The following CEP83 variants were observed in gnomAD, a reference collection of about 807,000 sequenced individuals.
CEP83 encodes the protein centrosomal protein of 83 kDa.
CEP83 carries 70 observed loss-of-function variants against 101.9 expected under a neutral mutation model. The observed-to-expected ratio is 0.69, with a 90% CI of 0.57 to 0.84. The LOEUF (loss-of-function observed/expected upper bound fraction) is 0.84, where lower values mean the gene tolerates loss of function less well. Among genes scored for constraint, CEP83 ranks in the 40% least tolerant of loss-of-function variants. The probability of loss-of-function intolerance (pLI) is 0.00; values close to 1 mark genes in which losing one functional copy is unlikely to be tolerated. For synonymous variants in CEP83, 264 were observed against 267.9 expected (o/e 0.99, Z 0.14); for missense variants, 715 against 787.2 (o/e 0.91, Z 1.10).
chr12:94,301,248 AAAAC>A, the CEP83 span, among the ~76,000 whole-genome samples: 4 of 152,348 alleles, frequency 2.6e-5, no homozygotes, highest in African/African-American at 9.6e-5. Context: ...TTTAAAGTGA[AAAAC>A]AAAATAATTA....
intron 11 of CEP83, among the ~76,000 whole-genome samples, chr12:94,343,739 C>T (rs531565485): frequency 1.3e-5 from 2 of 151,100 alleles, no homozygotes; most frequent in South Asian, 2.1e-4. Context: ...ATGATCCACC[C>T]GCCTCGGCCT....
chr12:94,343,470 C>CTTTTTTTTTTT lies in CEP83; in HGVS notation c.1344-7817_1344-7807dup, dbSNP rs1161481202. On this transcript the variant is annotated intron_variant, in intron 11 of 16. Coordinates refer to ENST00000397809, the MANE Select transcript of CEP83 (RefSeq NM_016122.3). Reference sequence around the variant, plus strand: ...ACAATGCAATAAAGCTAGAAATTAACTTTTTTTTTTTTTTTTTTTTTTTTT... The same window carrying CTTTTTTTTTTT: ...ACAATGCAATAAAGCTAGAAATTAACTTTTTTTTTTTTTTTTTTTTTTTTTTTTTTTTTTTT... Among the ~76,000 whole-genome samples, 202 of 84,168 alleles carry CTTTTTTTTTTT rather than the reference C, an allele frequency of 2.4e-3. 12 individuals are homozygous for CTTTTTTTTTTT. Among genetic ancestry groups the CTTTTTTTTTTT allele is most frequent in the African/African-American group, 7.2e-3 (137 of 19,070 alleles). 55.2% of individuals were successfully genotyped at this position (84,168 alleles called of 152,430 possible). A position where few individuals can be genotyped will look rare whatever the true frequency, so the allele number is the denominator to read the frequency against.
intron 11 of CEP83, 65 bp from the exon 12 acceptor site, chr12:94,335,729 A>G: frequency 9.2e-7 from 1 of 1,081,400 alleles, no homozygotes; most frequent in East Asian, 2.6e-5. Context: ...TCACTGAATT[A>G]AAGAGTCATT....
At chr12:94,432,541 G>T (rs1276164447) in intron 2 of CEP83, among the ~76,000 whole-genome samples, 1 of 152,142 alleles carries the variant, frequency 6.6e-6, no homozygotes, top group Non-Finnish European at 1.5e-5. Flanking sequence ...CTTAAAAAAA[G>T]TTGATCTCAT....
intron 1 of CEP83, among the ~76,000 whole-genome samples, chr12:94,441,669 A>T (rs1374923671): frequency 6.6e-6 from 1 of 152,198 alleles, no homozygotes; most frequent in Non-Finnish European, 1.5e-5. Context: ...TAATCCCAGC[A>T]CTTTGGGAGG....
At chr12:94,378,706 C>T (rs1593541265) in intron 7 of CEP83, 85 bp downstream of exon 7, 12 of 1,433,184 alleles carry the variant, frequency 8.4e-6, no homozygotes, top group Middle Eastern at 1.8e-4. Flanking sequence ...GGGGGGCATA[C>T]ATTTATGCTC....
chr12:94,358,551 T>C (rs2060590104), intron 11 of CEP83, among the ~76,000 whole-genome samples: 1 of 152,214 alleles, frequency 6.6e-6, no homozygotes, highest in South Asian at 2.1e-4. Flanking sequence ...AATTAGTTGC[T>C]GAACAATTAG....
chr12:94,440,610 C>CAAAA lies in CEP83; in HGVS notation c.-154-5284_-154-5283insTTTT, dbSNP rs543307366. Among the ~76,000 whole-genome samples the CAAAA allele has an allele frequency of 2.0e-4, 31 of 151,992 alleles. 1 individual carries two copies. The South Asian group carries it at 6.5e-3, about 32-fold the overall frequency. On this transcript the variant is annotated intron_variant, in intron 1 of 16. Transcript: ENST00000397809. ...AATCAATATTGTGAAAATGACCATA[C>CAAAA]TGCCAAGAGCAATCTACAAATTCAA...
At chr12:94,339,100 G>A (rs1363672768) in intron 11 of CEP83, among the ~76,000 whole-genome samples, 1 of 152,046 alleles carries the variant, frequency 6.6e-6, no homozygotes, top group African/African-American at 2.4e-5. Context: ...AAGTAGCTGG[G>A]ATTACAGGCA....
intron 2 of CEP83, among the ~76,000 whole-genome samples, chr12:94,427,763 G>A (rs1046787041): frequency 1.3e-5 from 2 of 151,926 alleles, no homozygotes; most frequent in African/African-American, 4.8e-5. Context: ...AAAGTCTAGG[G>A]AGGACCTACA....
chr12:94,426,276 C>T (rs1214769924), intron 2 of CEP83, among the ~76,000 whole-genome samples: 3 of 152,134 alleles, frequency 2.0e-5, no homozygotes, highest in East Asian at 1.9e-4. Context: ...TCTTTGTATT[C>T]TGATCTAGTG....
chr12:94,401,672 C>T (rs2063266067), intron 5 of CEP83, among the ~76,000 whole-genome samples: 2 of 152,150 alleles, frequency 1.3e-5, no homozygotes, highest in African/African-American at 4.8e-5. Context: ...ATACCCAGCT[C>T]ACCATAAATC....
chr12:94,415,963 T>G (rs1039619625), intron 2 of CEP83, among the ~76,000 whole-genome samples: 3 of 151,972 alleles, frequency 2.0e-5, no homozygotes, highest in Non-Finnish European at 4.4e-5. Flanking sequence ...TTAAAAAAAA[T>G]TTCAAACATT....
Position 94,383,890 on chromosome 12 carries a change from T to C in CEP83, c.550-4848A>G, listed in dbSNP as rs559477361. On this transcript the variant is annotated intron_variant, in intron 6 of 16. Transcript: ENST00000397809. ...CTTCACCTCCTTTTATATCCCTTTG[T>C]CCTTGCTCATTTATAATATAATTAC... is the stretch of plus-strand genomic sequence containing the variant. Among the ~76,000 whole-genome samples, 3 of 152,124 alleles carry C rather than the reference T, an allele frequency of 2.0e-5. No individual in the cohort carries two copies. In the South Asian group the frequency reaches 6.2e-4, roughly 32 times the overall value.
chr12:94,424,777 T>A, intron 2 of CEP83: 1 of 1,611,266 alleles, frequency 6.2e-7, no homozygotes, highest in Non-Finnish European at 8.5e-7. Flanking sequence ...TAGTGCCTGG[T>A]TGCAATCCTC....
downstream of CEP83, among the ~76,000 whole-genome samples, chr12:94,301,860 G>A (rs901145737): frequency 2.0e-5 from 3 of 152,086 alleles, no homozygotes; most frequent in African/African-American, 7.2e-5. Context: ...AATCCTCAAC[G>A]TTATCTTTGA....
chr12:94,282,523 C>T, the CEP83 span: 1 of 675,940 alleles, frequency 1.5e-6, no homozygotes, highest in Non-Finnish European at 2.6e-6. Flanking sequence ...TCGATCGTGT[C>T]TGGGGCTGAA....
chr12:94,446,076 A>T (rs2066777757), intron 1 of CEP83, among the ~76,000 whole-genome samples: 1 of 152,274 alleles, frequency 6.6e-6, no homozygotes, highest in Non-Finnish European at 1.5e-5. Context: ...ACTGCATGAT[A>T]GTAAGAGGTG....
chr12:94,448,998 G>A (rs560624685), intron 1 of CEP83, among the ~76,000 whole-genome samples: 1 of 131,972 alleles, frequency 7.6e-6, no homozygotes, highest in Non-Finnish European at 1.6e-5. Flanking sequence ...TAAAAGGTTG[G>A]TTCTTTGGAA....
Sources: allele counts gnomAD v4.1 joint callset (sites outside exome capture counted in the v4.1 genomes callset), GRCh38; gene constraint gnomAD v4.1.1; transcripts MANE v1.5; gene names NCBI Gene and HGNC (gene_info 2026-07-23, HGNC 2026-07-21).